YIPF1: variants seen among roughly 807,000 people sequenced by gnomAD.
YIPF1 encodes the protein Yip1 domain family member 1, also known as protein YIPF1.
Under a neutral mutation model 37.0 loss-of-function variants are expected in YIPF1, and 22 were observed. The observed-to-expected ratio is 0.59, with a 90% CI of 0.42 to 0.85. The LOEUF (loss-of-function observed/expected upper bound fraction) is 0.85. Ranked by LOEUF, YIPF1 falls within the 40% of genes least tolerant of loss-of-function variation. The probability of loss-of-function intolerance (pLI) is 0.00; values close to 1 mark genes in which losing one functional copy is unlikely to be tolerated. For missense variants in YIPF1, 355 were observed against 373.1 expected (o/e 0.95, Z 0.40); for synonymous variants, 128 against 131.9 (o/e 0.97, Z 0.21).
At chr1:53,880,389 C>T (rs1557609998) in intron 4 of YIPF1, among the ~76,000 whole-genome samples, 1 of 152,068 alleles carries the variant, frequency 6.6e-6, no homozygotes. Flanking sequence ...AAACTATAAA[C>T]TACTGCTCAA....
chr1:53,871,480 A>C lies in YIPF1; in HGVS notation c.373T>G (p.Trp125Gly). The change falls in exon 7 of 11, where the codon TGG (tryptophan) becomes GGG (glycine). Residue 125 changes from tryptophan (W) to glycine (G), a missense_variant. By Grantham distance (184) the Trp-to-Gly change is radical. Coordinates refer to ENST00000072644, the MANE Select transcript of YIPF1 (RefSeq NM_018982.5). ...GCAAAGACCAACGTGGCACATATCC[A>C]AAAGGGGCCTGCAAAGGAAACCAGA... is the stretch of plus-strand genomic sequence containing the variant. ...RSNPDLYGPF[W>G]ICATLVFAIA... 6.2e-7 allele frequency: 1 copy of C among 1,613,302 alleles called. No individual in the cohort carries two copies. Among genetic ancestry groups the C allele is most frequent in the Non-Finnish European group, 8.5e-7 (1 of 1,179,584 alleles).
At chr1:53,871,223 T>A in intron 7 of YIPF1, 149 bp downstream of exon 7, 2 of 593,226 alleles carry the variant, frequency 3.4e-6, no homozygotes, top group Middle Eastern at 2.9e-4. Flanking sequence ...GGTGGTAAAC[T>A]CATCTACACA....
rs184888866 is a variant in YIPF1, at chr1:53,872,929, A to C, written c.365-1441T>G. On this transcript the variant is annotated intron_variant, in intron 6 of 10. Coordinates refer to ENST00000072644, the MANE Select transcript of YIPF1 (RefSeq NM_018982.5). Reference sequence around the variant, plus strand: ...ACCACACATAAGAGTGGCAAAAAAAACCAACAACAAACAAAAAACCCCACA... The same window carrying C: ...ACCACACATAAGAGTGGCAAAAAAACCCAACAACAAACAAAAAACCCCACA... Among the ~76,000 whole-genome samples, 181 of 152,328 alleles carry C rather than the reference A, an allele frequency of 1.2e-3. 1 individual carries two copies. The highest frequency in any genetic ancestry group is 3.9e-3 in the African/African-American group (162 of 41,578).
chr1:53,872,389 C>A (rs1650216547), intron 6 of YIPF1, among the ~76,000 whole-genome samples: 1 of 152,116 alleles, frequency 6.6e-6, no homozygotes, highest in African/African-American at 2.4e-5. Context: ...CTTAATATAG[C>A]CTGGTGAGTC....
In YIPF1 at chr1:53,883,181, A is replaced by G; in HGVS notation, c.127T>C (p.Ser43Pro). ...PGETPKHQPG[S>P]PRGSGREEDD... is the part of the protein sequence containing the mutation. ...TCTTCTCTTCCTGAGCCTCTTGGGG[A>G]TCCTGGCTGATGTTTTGGGGTTTCA... Residue 43 changes from serine to proline, a missense_variant, in exon 4 of 11, where the codon TCC (serine) becomes CCC (proline). Ser to Pro is a moderately conservative substitution (Grantham distance 74). Transcript: ENST00000072644. 1 of 1,602,144 alleles carries G rather than the reference A, an allele frequency of 6.2e-7. No individual in the cohort carries two copies. The highest frequency in any genetic ancestry group is 8.5e-7 in the Non-Finnish European group (1 of 1,175,116).
chr1:53,863,357 C>CAAG (rs1277108236), intron 9 of YIPF1, among the ~76,000 whole-genome samples: 1 of 152,172 alleles, frequency 6.6e-6, no homozygotes, highest in East Asian at 1.9e-4. Flanking sequence ...TACTTGGGTA[C>CAAG]TATGGAGGAA....
chr1:53,876,339 T>C (rs1415243900), intron 6 of YIPF1, among the ~76,000 whole-genome samples: 1 of 152,222 alleles, frequency 6.6e-6, no homozygotes, highest in Non-Finnish European at 1.5e-5. Context: ...TATTTTGTTG[T>C]GTAGAAATTT....
intron 6 of YIPF1, among the ~76,000 whole-genome samples, chr1:53,874,720 T>C (rs758699311): frequency 8.5e-5 from 13 of 152,150 alleles, no homozygotes; most frequent in Non-Finnish European, 1.3e-4. Context: ...TGAGCCGAGA[T>C]TGCGCCTTTG....
intron 6 of YIPF1, among the ~76,000 whole-genome samples, chr1:53,872,172 G>A (rs1650210070): frequency 6.6e-6 from 1 of 151,906 alleles, no homozygotes; most frequent in Admixed American, 6.6e-5. Context: ...GGTACAAAGG[G>A]AATATGGAGA....
intron 3 of YIPF1, among the ~76,000 whole-genome samples, chr1:53,887,674 T>C (rs1650691750): frequency 6.7e-6 from 1 of 150,172 alleles, no homozygotes; most frequent in African/African-American, 2.5e-5. Flanking sequence ...ATGAAATAGA[T>C]TTATCTTTAA....
chr1:53,859,641 G>A (rs904228883), intron 10 of YIPF1, among the ~76,000 whole-genome samples: 5 of 151,948 alleles, frequency 3.3e-5, no homozygotes, highest in Non-Finnish European at 5.9e-5. Context: ...CTCCAGCTTG[G>A]GCAACAAGAG....
Position 53,878,677 on chromosome 1 carries a change from A to G in YIPF1, c.241T>C (p.Tyr81His). ...TCCACATCAAAGAATGTTTGGTAGT[A>G]TTCAAATGTCCAGAAGGGGGAGCTT... is the stretch of plus-strand genomic sequence containing the variant. ...KKSSPFWTFE[Y>H]YQTFFDVDTY... Residue 81 changes from tyrosine to histidine, a missense_variant, in exon 5 of 11, where the codon TAC becomes CAC. Coordinates refer to ENST00000072644, the MANE Select transcript of YIPF1 (RefSeq NM_018982.5). 1 of 1,600,292 alleles carries G rather than the reference A, an allele frequency of 6.2e-7. No individual in the cohort carries two copies. The highest frequency in any genetic ancestry group is 8.5e-7 in the Non-Finnish European group (1 of 1,177,186).
rs3817871 is a variant in YIPF1, at chr1:53,889,262, G to C, written c.-68C>G. ...AACTCACTGTGTGAATGTTTAGAGA[G>C]CAGGTGCAGCCTAGAGATGTAACGA... On this transcript the variant is annotated 5_prime_UTR_variant, in exon 2 of 11. Transcript: ENST00000072644. 0.22 allele frequency: 57,974 copies of C among 258,242 alleles called. 6,915 individuals are homozygous for C. Among genetic ancestry groups the C allele is most frequent in the East Asian group, 0.3 (4,256 of 14,036 alleles). 16.0% of individuals were successfully genotyped at this position (258,242 alleles called of 1,614,324 possible). A position where few individuals can be genotyped will look rare whatever the true frequency, so the allele number is the denominator to read the frequency against.
chr1:53,870,160 C>CTCTCTTTT (rs1557605849), intron 7 of YIPF1, among the ~76,000 whole-genome samples: 1 of 91,214 alleles, frequency 1.1e-5, no homozygotes, highest in African/African-American at 4.4e-5. Context: ...CACCGGGTCT[C>CTCTCTTTT]TTTTTTTTTT....
At chr1:53,878,178 G>A in intron 6 of YIPF1, 137 bp downstream of exon 6, 1 of 774,384 alleles carries the variant, frequency 1.3e-6, no homozygotes, top group Non-Finnish European at 2.2e-6. Context: ...ACTTGCAAGG[G>A]TTGCTACTGA....
At chr1:53,859,376 A>G (rs1184198262) in intron 10 of YIPF1, among the ~76,000 whole-genome samples, 1 of 152,222 alleles carries the variant, frequency 6.6e-6, no homozygotes. Flanking sequence ...ATATGACCAG[A>G]TAAATGGCCG....
intron 6 of YIPF1, among the ~76,000 whole-genome samples, chr1:53,877,412 C>T (rs1030762785): frequency 4.6e-5 from 7 of 152,194 alleles, no homozygotes; most frequent in African/African-American, 1.7e-4. Context: ...AGTGGGGATA[C>T]TTTGCAAGGG....
chr1:53,859,054 G>A (rs924462621), intron 10 of YIPF1, among the ~76,000 whole-genome samples: 2 of 152,182 alleles, frequency 1.3e-5, no homozygotes, highest in African/African-American at 4.8e-5. Context: ...GCAAAGTAAA[G>A]GTTCTTGTCC....
intron 3 of YIPF1, among the ~76,000 whole-genome samples, chr1:53,884,349 C>T (rs570172937): frequency 1.3e-5 from 2 of 152,154 alleles, no homozygotes; most frequent in African/African-American, 4.8e-5. Flanking sequence ...GAGATTCATG[C>T]CACTGATGAT....
Sources: allele counts gnomAD v4.1 joint callset (sites outside exome capture counted in the v4.1 genomes callset), GRCh38; gene constraint gnomAD v4.1.1; transcripts MANE v1.5; gene names NCBI Gene and HGNC (gene_info 2026-07-23, HGNC 2026-07-21).